Variants in HTRA3 observed in about 807,000 individuals in gnomAD.
HTRA3 encodes HtrA serine peptidase 3.
HTRA3 carries 41 observed loss-of-function variants against 43.2 expected under a neutral mutation model. The observed-to-expected ratio is 0.95, with a 90% CI of 0.74 to 1.23. The LOEUF (loss-of-function observed/expected upper bound fraction) is 1.23. Ranked by LOEUF, HTRA3 falls within the 50% of genes most tolerant of loss-of-function variation. HTRA3 has a pLI of 0.00. For synonymous variants in HTRA3, 295 were observed against 287.9 expected (o/e 1.02, Z -0.25); for missense variants, 628 against 647.1 (o/e 0.97, Z 0.32).
At chr4:8,283,178 G>T (rs963312726) in intron 2 of HTRA3, among the ~76,000 whole-genome samples, 8 of 152,182 alleles carry the variant, frequency 5.3e-5, no homozygotes, top group African/African-American at 1.9e-4. Context: ...AATGAGTGAG[G>T]GAGGGAATGA....
chr4:8,281,054 C>T lies in HTRA3; in HGVS notation c.386-1383C>T, dbSNP rs2153004544. 1.3e-5 allele frequency among the ~76,000 whole-genome samples: 2 copies of T among 152,342 alleles called. 1 individual carries two copies. The highest frequency in any genetic ancestry group is 4.1e-4 in the South Asian group (2 of 4,824). On this transcript the variant is annotated intron_variant, in intron 1 of 8. Coordinates refer to ENST00000307358, the MANE Select transcript of HTRA3 (RefSeq NM_053044.5). ...GGCAGGGGGGTTCTTCTTACAGAGC[C>T]TCAGTGTCCCCACCTTTAAAATAGA...
intron 4 of HTRA3, among the ~76,000 whole-genome samples, chr4:8,292,006 C>T (rs781658522): frequency 1.3e-5 from 2 of 151,720 alleles, no homozygotes; most frequent in South Asian, 2.1e-4. Flanking sequence ...TGTAGAGGGC[C>T]CCCCCAGGCC....
rs146891183 is a variant in HTRA3 at position 8,297,887 on chromosome 4, C to G, written c.1051+3686C>G. Among the ~76,000 whole-genome samples, 2 of 152,176 alleles carry G rather than the reference C, an allele frequency of 1.3e-5. No individual in the cohort carries two copies. Among genetic ancestry groups the G allele is most frequent in the African/African-American group, 2.4e-5 (1 of 41,442 alleles). The stretch of plus-strand genomic sequence containing the variant: ...TCCCACTAAGAGCACCTGTCAAGAC[C>G]CCCCTGCTCCTGCAGCCCCACCTGC... On this transcript the variant is annotated intron_variant, in intron 6 of 8. Transcript: ENST00000307358. This position sits in a 1 kb window ranked among gnomAD's most constrained non-coding sequence, Gnocchi z 5.8.
chr4:8,292,534 C>T (rs943859880), intron 5 of HTRA3, among the ~76,000 whole-genome samples, 181 bp downstream of exon 5: 1 of 152,192 alleles, frequency 6.6e-6, no homozygotes, highest in Admixed American at 6.5e-5. Context: ...CCAAGCGCCT[C>T]GGGGATGCTA....
chr4:8,284,081 T>A (rs1712863724), intron 2 of HTRA3, among the ~76,000 whole-genome samples: 1 of 152,246 alleles, frequency 6.6e-6, no homozygotes, highest in Admixed American at 6.5e-5. Flanking sequence ...GGGAGCTCCC[T>A]GGGCTGTGGG....
intron 3 of HTRA3, among the ~76,000 whole-genome samples, chr4:8,287,108 G>A (rs1713020501): frequency 6.6e-6 from 1 of 152,208 alleles, no homozygotes; most frequent in Middle Eastern, 3.2e-3. Context: ...CACTACTGGG[G>A]ATGCACCTGC....
chr4:8,285,520 T>C (rs1042483257), intron 2 of HTRA3, among the ~76,000 whole-genome samples: 1 of 152,210 alleles, frequency 6.6e-6, no homozygotes, highest in Admixed American at 6.5e-5. Context: ...ACTTTGTCCC[T>C]CGCACATTTT....
Position 8,279,833 on chromosome 4 carries a change from G to A in HTRA3, c.386-2604G>A, listed in dbSNP as rs373502862. 2.0e-5 allele frequency among the ~76,000 whole-genome samples: 3 copies of A among 152,152 alleles called. No homozygotes were observed. The highest frequency in any genetic ancestry group is 4.4e-5 in the Non-Finnish European group (3 of 68,022). On this transcript the variant is annotated intron_variant, in intron 1 of 8. Transcript: ENST00000307358. This position sits in a 1 kb window ranked among gnomAD's most constrained non-coding sequence, Gnocchi z 7.4. ...TCTGCACTCACCCACCCCACGCCGG[G>A]CTCCTCTCTGCCTCATCCCTGGTGA...
intron 2 of HTRA3, among the ~76,000 whole-genome samples, chr4:8,283,047 CG>C (rs1560136302): frequency 6.6e-6 from 1 of 152,032 alleles, no homozygotes; most frequent in Non-Finnish European, 1.5e-5. Context: ...GGGGGCAGCT[CG>C]CAAGCACCGA....
chr4:8,291,381 T>A lies in HTRA3; in HGVS notation c.720T>A (p.Pro240=). 6.2e-7 allele frequency: 1 copy of A among 1,613,494 alleles called. No individual in the cohort carries two copies. Residue 240 remains proline, a synonymous_variant, in exon 4 of 9, where the codon CCT becomes CCA. Coordinates refer to ENST00000307358, the MANE Select transcript of HTRA3 (RefSeq NM_053044.5). The part of the protein sequence containing the change: ...TIKIHPKKKL[P]VLLLGHSADL... ...CTTCTCTCTCCTAGAAAAAGCTCCC[T>A]GTGTTGTTGCTGGGTCACTCGGCCG...
intron 1 of HTRA3, among the ~76,000 whole-genome samples, chr4:8,278,364 A>G (rs1712611364): frequency 6.8e-6 from 1 of 147,344 alleles, no homozygotes; most frequent in Non-Finnish European, 1.5e-5. Context: ...TGAAACTTCC[A>G]GGGCTTTAGA....
chr4:8,280,572 G>T (rs909320177), intron 1 of HTRA3, among the ~76,000 whole-genome samples: 3 of 152,310 alleles, frequency 2.0e-5, no homozygotes, highest in South Asian at 4.1e-4. Context: ...CGCCTGCTTT[G>T]TAGGTGTCGA....
intron 2 of HTRA3, among the ~76,000 whole-genome samples, chr4:8,283,229 T>G (rs1383689550): frequency 6.6e-6 from 1 of 152,038 alleles, no homozygotes; most frequent in Non-Finnish European, 1.5e-5. Context: ...AATGAATGAG[T>G]GGAGTCGGTC....
chr4:8,273,928 C>T (rs1347588389), intron 1 of HTRA3, among the ~76,000 whole-genome samples: 1 of 145,822 alleles, frequency 6.9e-6, no homozygotes, highest in Non-Finnish European at 1.5e-5. Context: ...CCCTCATTCT[C>T]CTGTGCACCG....
intron 6 of HTRA3, among the ~76,000 whole-genome samples, chr4:8,298,055 A>G (rs1005497040): frequency 8.6e-5 from 13 of 151,408 alleles, no homozygotes; most frequent in African/African-American, 3.2e-4. Context: ...CTCCGCCTCC[A>G]CCTCCACCTC....
chr4:8,295,619 G>A lies in HTRA3; in HGVS notation c.1051+1418G>A. The A allele has an allele frequency of 2.6e-6, 3 of 1,145,980 alleles. No individual in the cohort carries two copies. The highest frequency in any genetic ancestry group is 3.4e-6 in the Non-Finnish European group (3 of 877,636). The allele number at this position is 1,145,980 out of a possible 1,614,324, so 71.0% of individuals were successfully genotyped here. The stretch of plus-strand genomic sequence containing the variant: ...TCTCCCTCCTGCCATTGTGTCTCCT[G>A]TGCCCACCTCCTGGCCAACGCCCAG... On this transcript the variant is annotated intron_variant, in intron 6 of 8. Coordinates refer to ENST00000307358, the MANE Select transcript of HTRA3 (RefSeq NM_053044.5). This position sits in a 1 kb window ranked among gnomAD's most constrained non-coding sequence, Gnocchi z 6.9.
chr4:8,302,392 C>A, intron 6 of HTRA3, 71 bp from the exon 7 acceptor site: 1 of 1,408,062 alleles, frequency 7.1e-7, no homozygotes, highest in Non-Finnish European at 1.0e-6. Flanking sequence ...CTGTCCTCTG[C>A]CTGTCCCCTG....
chr4:8,281,189 C>T (rs953791931), intron 1 of HTRA3, among the ~76,000 whole-genome samples: 9 of 152,222 alleles, frequency 5.9e-5, no homozygotes, highest in Non-Finnish European at 8.8e-5. Flanking sequence ...GACCGCGGCC[C>T]GGGCCCTGCC....
Position 8,302,583 on chromosome 4 carries a change from C to T in HTRA3, c.1100+72C>T, listed in dbSNP as rs1713694688. 6.1e-6 allele frequency: 9 copies of T among 1,475,602 alleles called. No individual in the cohort carries two copies. The Admixed American group carries it at 1.0e-4, about 17-fold the overall frequency. The allele number at this position is 1,475,602 out of a possible 1,614,324, so 91.4% of individuals were successfully genotyped here. A position where few individuals can be genotyped will look rare whatever the true frequency, so the allele number is the denominator to read the frequency against. ...CCTCACCCTGACCCTCCCTCCAGAC[C>T]CTGGCTGGCTGTGTTCGGCTCCTTG... is the stretch of plus-strand genomic sequence containing the variant. On this transcript the variant is annotated intron_variant, in intron 7 of 8. Coordinates refer to ENST00000307358, the MANE Select transcript of HTRA3 (RefSeq NM_053044.5).
Sources: gnomAD v4.1 joint callset for allele counts (sites outside exome capture counted in the v4.1 genomes callset) on GRCh38, gnomAD v4.1.1 for gene constraint, Gnocchi (gnomAD v3.1) non-coding constraint, MANE v1.5 for transcripts, NCBI Gene and HGNC (gene_info 2026-07-23, HGNC 2026-07-21) for gene names.